FAM76B: variants seen among roughly 807,000 people sequenced by gnomAD.
FAM76B encodes the protein family with sequence similarity 76 member B.
Under a neutral mutation model 51.8 loss-of-function variants are expected in FAM76B, and 16 were observed. The ratio of observed to expected loss-of-function variants is 0.31; its 90% CI spans 0.21 to 0.47. The LOEUF is 0.47. Ranked by LOEUF, FAM76B falls within the 20% of genes least tolerant of loss-of-function variation. The probability of loss-of-function intolerance (pLI) is 1.00; values close to 1 mark genes in which losing one functional copy is unlikely to be tolerated. For synonymous variants in FAM76B, 166 were observed against 129.5 expected (o/e 1.28, Z -1.91); for missense variants, 342 against 392.6 (o/e 0.87, Z 1.09).
intron 1 of FAM76B, chr11:95,788,859 C>A (rs1024002866): frequency 2.2e-6 from 3 of 1,388,886 alleles, no homozygotes; most frequent in African/African-American, 1.4e-5. Context: ...TATTTTGCAC[C>A]GTTGCTCACA....
chr11:95,772,904 ATTT>A (rs1166528105), intron 9 of FAM76B, among the ~76,000 whole-genome samples: 1 of 151,044 alleles, frequency 6.6e-6, no homozygotes. Context: ...AAATCAAATA[ATTT>A]TTTATGTTCA....
chr11:95,775,889 T>G, intron 9 of FAM76B, 33 bp downstream of exon 9: 1 of 1,440,278 alleles, frequency 6.9e-7, no homozygotes, highest in South Asian at 1.3e-5. Flanking sequence ...TAGCCCTTCT[T>G]GCCTATCATT....
intron 7 of FAM76B, chr11:95,779,257 C>G: frequency 2.6e-6 from 2 of 757,584 alleles, no homozygotes; most frequent in Non-Finnish European, 4.1e-6. Flanking sequence ...AACAAAGTAA[C>G]GCTCATAATA....
chr11:95,775,372 A>C (rs1009308591), intron 9 of FAM76B, among the ~76,000 whole-genome samples: 2 of 151,416 alleles, frequency 1.3e-5, no homozygotes, highest in Non-Finnish European at 3.0e-5. Context: ...GCTACTTTGC[A>C]GTACTCTGAG....
chr11:95,781,350 T>C (rs553510144), intron 5 of FAM76B, among the ~76,000 whole-genome samples: 3 of 152,210 alleles, frequency 2.0e-5, no homozygotes, highest in Middle Eastern at 3.4e-3. Context: ...GAACTTAAGA[T>C]AGGACCCTAC....
intron 4 of FAM76B, among the ~76,000 whole-genome samples, chr11:95,785,252 A>T (rs955987220): frequency 6.6e-6 from 1 of 152,208 alleles, no homozygotes; most frequent in Admixed American, 6.5e-5. Context: ...AAACACAGTA[A>T]GGTTCGTTAC....
At position 95,787,694 on chromosome 11, in the gene FAM76B, T is replaced by C; in HGVS notation, c.153-16A>G. On this transcript the variant is annotated splice_polypyrimidine_tract_variant and intron_variant, in intron 2 of 9. Transcript: ENST00000358780. The stretch of plus-strand genomic sequence containing the variant: ...GTTAGTTTTGCTGAAAAATAAATTG[T>C]ATATAGATCATGTTTATGTAGCTTT... The C allele has an allele frequency of 1.9e-6, 3 of 1,585,740 alleles. No homozygotes were observed. The highest frequency in any genetic ancestry group is 1.1e-5 in the South Asian group (1 of 88,656).
At chr11:95,773,456 G>C (rs1274473643) in intron 9 of FAM76B, among the ~76,000 whole-genome samples, 5 of 15,186 alleles carry the variant, frequency 3.3e-4, no homozygotes, top group East Asian at 1.5e-3. Flanking sequence ...TTTGCAGCCA[G>C]CCAAAAAAAA....
At chr11:95,783,386 G>A (rs1051237514) in intron 4 of FAM76B, 122 bp from the exon 5 acceptor site, 5 of 712,538 alleles carry the variant, frequency 7.0e-6, no homozygotes, top group African/African-American at 1.8e-5. Flanking sequence ...ATGCATGTAT[G>A]CACATATTCA....
rs897151284 is a variant in FAM76B at position 95,769,532 on chromosome 11, T to A, written c.*2029A>T. 1 of 152,146 alleles carries A rather than the reference T, an allele frequency of 6.6e-6. No homozygotes were observed. The highest frequency in any genetic ancestry group is 1.5e-5 in the Non-Finnish European group (1 of 67,752). The allele number at this position is 152,146 out of a possible 1,614,324, so 9.4% of individuals were successfully genotyped here. A position where few individuals can be genotyped will look rare whatever the true frequency, so the allele number is the denominator to read the frequency against. On this transcript the variant is annotated 3_prime_UTR_variant, in exon 10 of 10. Transcript: ENST00000358780. ...TTAATATTCAACTTTTTAATTTTGA[T>A]GTTAGCTAAGGGGAAGGACGAGGAC...
At chr11:95,786,085 T>C in intron 4 of FAM76B, 34 bp downstream of exon 4, 1 of 1,580,392 alleles carries the variant, frequency 6.3e-7, no homozygotes, top group Non-Finnish European at 8.6e-7. Context: ...TTTATTTAAT[T>C]TCCAGAAGAT....
At chr11:95,780,823 T>TTATATATGTAAAA in intron 5 of FAM76B, among the ~76,000 whole-genome samples, 1 of 151,998 alleles carries the variant, frequency 6.6e-6, no homozygotes, top group Non-Finnish European at 1.5e-5. Context: ...ATTAAATGAG[T>TTATATATGTAAAA]TATATATGTA....
At chr11:95,773,238 T>G (rs1190856491) in intron 9 of FAM76B, among the ~76,000 whole-genome samples, 2 of 151,134 alleles carry the variant, frequency 1.3e-5, no homozygotes, top group African/African-American at 4.8e-5. Flanking sequence ...CTTTGGTAGC[T>G]AATTTCCAAT....
At chr11:95,787,879 C>T (rs1014924190) in intron 2 of FAM76B, among the ~76,000 whole-genome samples, 1 of 152,134 alleles carries the variant, frequency 6.6e-6, no homozygotes, top group Non-Finnish European at 1.5e-5. Flanking sequence ...ATTTTTATTG[C>T]ATATTACTTT....
Position 95,789,556 on chromosome 11 carries a change from C to CCGGGCCG in FAM76B, c.-85_-79dup. ...CGGAGAACCCGAGAGCCGCCGCCGCCCGGGCCGCGGGCTCCTCCTCCTCCC... is the reference window on the plus strand; with the variant it reads ...CGGAGAACCCGAGAGCCGCCGCCGCCCGGGCCGCGGGCCGCGGGCTCCTCCTCCTCCC... On this transcript the variant is annotated 5_prime_UTR_variant, in exon 1 of 10. Transcript: ENST00000358780. 3 of 1,370,576 alleles carry CCGGGCCG rather than the reference C, an allele frequency of 2.2e-6. No homozygotes were observed. Among genetic ancestry groups the CCGGGCCG allele is most frequent in the Non-Finnish European group, 3.0e-6 (3 of 1,006,126 alleles). The allele number at this position is 1,370,576 out of a possible 1,614,324, so 84.9% of individuals were successfully genotyped here.
chr11:95,775,015 A>G (rs896747370), intron 9 of FAM76B, among the ~76,000 whole-genome samples: 1 of 150,600 alleles, frequency 6.6e-6, no homozygotes, highest in African/African-American at 2.4e-5. Context: ...AAAAAAAAAA[A>G]CAAAATGAAA....
Position 95,771,482 on chromosome 11 carries a change from A to T in FAM76B, c.*79T>A. The T allele has an allele frequency of 9.0e-7, 1 of 1,108,820 alleles. No individual in the cohort carries two copies. The allele number at this position is 1,108,820 out of a possible 1,614,324, so 68.7% of individuals were successfully genotyped here. A position where few individuals can be genotyped will look rare whatever the true frequency, so the allele number is the denominator to read the frequency against. The stretch of plus-strand genomic sequence containing the variant: ...TGGTGTGCAAAAATATTTTTCTACT[A>T]CACAGAATTTAAGGGCTTCACAGAA... On this transcript the variant is annotated 3_prime_UTR_variant, in exon 10 of 10. Coordinates refer to ENST00000358780, the MANE Select transcript of FAM76B (RefSeq NM_144664.5).
rs985734651 is a variant in FAM76B, at chr11:95,789,563, G to GCGGGCT, written c.-91_-86dup. 1 of 1,279,298 alleles carries GCGGGCT rather than the reference G, an allele frequency of 7.8e-7. No individual in the cohort carries two copies. Among genetic ancestry groups the GCGGGCT allele is most frequent in the Admixed American group, 2.3e-5 (1 of 43,422 alleles). 79.2% of individuals were successfully genotyped at this position (1,279,298 alleles called of 1,614,324 possible). A position where few individuals can be genotyped will look rare whatever the true frequency, so the allele number is the denominator to read the frequency against. ...CCCGAGAGCCGCCGCCGCCCGGGCC[G>GCGGGCT]CGGGCTCCTCCTCCTCCCCCTCCCC... On this transcript the variant is annotated 5_prime_UTR_variant, in exon 1 of 10. Coordinates refer to ENST00000358780, the MANE Select transcript of FAM76B (RefSeq NM_144664.5).
Position 95,789,388 on chromosome 11 carries a change from G to C in FAM76B, c.87+4C>G, listed in dbSNP as rs1044507851. On this transcript the variant is annotated splice_donor_region_variant and intron_variant, in intron 1 of 9. Coordinates refer to ENST00000358780, the MANE Select transcript of FAM76B (RefSeq NM_144664.5). The stretch of plus-strand genomic sequence containing the variant: ...ATCCCGCCCGCCTCCCGGAGCCCAC[G>C]GACCTTGCAGAGCTGCTGGCCCTGG... 1 of 1,594,028 alleles carries C rather than the reference G, an allele frequency of 6.3e-7. No individual in the cohort carries two copies. Among genetic ancestry groups the C allele is most frequent in the Middle Eastern group, 1.7e-4 (1 of 5,950 alleles).
Sources: allele counts gnomAD v4.1 joint callset (sites outside exome capture counted in the v4.1 genomes callset), GRCh38; gene constraint gnomAD v4.1.1; transcripts MANE v1.5; gene names NCBI Gene and HGNC (gene_info 2026-07-23, HGNC 2026-07-21).